VWA3B: variants seen among roughly 807,000 people sequenced by gnomAD.
VWA3B encodes the protein von Willebrand factor A domain-containing protein 3B.
In VWA3B, 138 loss-of-function variants were observed where a neutral mutation model predicts 158.3. The ratio of observed to expected loss-of-function variants is 0.87; its 90% CI spans 0.76 to 1.00. VWA3B has a LOEUF of 1.00. VWA3B is among the 50% of genes least tolerant of loss of function. The pLI is 0.00. For missense variants in VWA3B, 1,555 were observed against 1,565.1 expected (o/e 0.99, Z 0.11); for synonymous variants, 596 against 587.3 (o/e 1.01, Z -0.21).
intron 2 of VWA3B, among the ~76,000 whole-genome samples, chr2:98,107,146 AT>A (rs551305945): frequency 1.1e-3 from 161 of 151,952 alleles, no homozygotes; most frequent in Non-Finnish European, 1.8e-3. Context: ...GGATTATATT[AT>A]TTTTTTTAAT....
chr2:98,087,881 A>T (rs571380398), intron 1 of VWA3B, among the ~76,000 whole-genome samples: 1 of 152,320 alleles, frequency 6.6e-6, no homozygotes, highest in East Asian at 1.9e-4. Flanking sequence ...CATTTGGTAG[A>T]GCTTTTCCTT....
intron 19 of VWA3B, among the ~76,000 whole-genome samples, chr2:98,244,041 A>G (rs1686239154): frequency 6.6e-6 from 1 of 152,200 alleles, no homozygotes; most frequent in Admixed American, 6.5e-5. Flanking sequence ...ATGTTTTGTG[A>G]TTGCTTTTAA....
chr2:98,212,060 T>C (rs748285150), intron 13 of VWA3B, 32 bp downstream of exon 13: 2 of 1,588,756 alleles, frequency 1.3e-6, no homozygotes, highest in Non-Finnish European at 1.7e-6. Context: ...AAAGAGGGCC[T>C]CACTGATGCT....
intron 19 of VWA3B, among the ~76,000 whole-genome samples, chr2:98,250,023 A>C (rs537583119): frequency 6.6e-6 from 1 of 152,156 alleles, no homozygotes; most frequent in East Asian, 1.9e-4. Flanking sequence ...CGCAATTCTA[A>C]TTAAGGTTTT....
Position 98,111,325 on chromosome 2 carries a change from G to C in VWA3B, c.197-4327G>C, listed in dbSNP as rs537350386. Among the ~76,000 whole-genome samples the C allele has an allele frequency of 2.6e-5, 4 of 152,266 alleles. No individual in the cohort carries two copies. In the South Asian group the frequency reaches 8.3e-4, roughly 32 times the overall value. Reference sequence around the variant, plus strand: ...TTCCATAGTCTATACACACCATGTGGTCTATATATATAAACCACATTTTAA... The same window carrying C: ...TTCCATAGTCTATACACACCATGTGCTCTATATATATAAACCACATTTTAA... On this transcript the variant is annotated intron_variant, in intron 2 of 27. Transcript: ENST00000477737.
At chr2:98,165,683 T>G (rs1175161240) in intron 8 of VWA3B, among the ~76,000 whole-genome samples, 1 of 152,054 alleles carries the variant, frequency 6.6e-6, no homozygotes, top group Admixed American at 6.6e-5. Context: ...TGACTGTGGC[T>G]TTTTCCTGTG....
intron 21 of VWA3B, among the ~76,000 whole-genome samples, chr2:98,264,015 T>TGTC (rs1687641450): frequency 6.6e-6 from 1 of 152,042 alleles, no homozygotes; most frequent in Admixed American, 6.6e-5. Context: ...TTATGCAATT[T>TGTC]GTCGGTGTAA....
intron 2 of VWA3B, among the ~76,000 whole-genome samples, chr2:98,096,888 T>A (rs894505048): frequency 6.6e-6 from 1 of 152,260 alleles, no homozygotes; most frequent in East Asian, 1.9e-4. Flanking sequence ...GATATTTTTA[T>A]GTATTTGTAT....
At chr2:98,154,225 C>T (rs1677872912) in intron 7 of VWA3B, among the ~76,000 whole-genome samples, 1 of 152,170 alleles carries the variant, frequency 6.6e-6, no homozygotes, top group Admixed American at 6.5e-5. Flanking sequence ...TTAAACATCT[C>T]CTGTGTGCTT....
intron 19 of VWA3B, among the ~76,000 whole-genome samples, chr2:98,247,209 G>T (rs575378957): frequency 2.6e-5 from 4 of 151,916 alleles, no homozygotes; most frequent in African/African-American, 9.7e-5. Flanking sequence ...TGTTGGCCAG[G>T]CTGGTCTTGA....
Position 98,138,272 on chromosome 2 carries a change from C to T in VWA3B, c.988+4333C>T, listed in dbSNP as rs552831395. On this transcript the variant is annotated intron_variant, in intron 7 of 27. Transcript: ENST00000477737. ...GAAGCCTTCCGTGGCCAGTGTCTCC[C>T]GTCTGCCCTTTTAGGCTGCTTGTTG... Among the ~76,000 whole-genome samples, 8 of 152,310 alleles carry T rather than the reference C, an allele frequency of 5.3e-5. No homozygotes were observed. The South Asian group carries it at 6.2e-4, about 12-fold the overall frequency.
chr2:98,163,728 A>C (rs1275507381), intron 8 of VWA3B, among the ~76,000 whole-genome samples: 2 of 152,144 alleles, frequency 1.3e-5, no homozygotes, highest in Non-Finnish European at 2.9e-5. Context: ...TGTTAAGGGC[A>C]GGGGGGCTTC....
intron 13 of VWA3B, among the ~76,000 whole-genome samples, chr2:98,216,466 G>A (rs1683996227): frequency 6.6e-6 from 1 of 152,240 alleles, no homozygotes; most frequent in Non-Finnish European, 1.5e-5. Context: ...GGTATGTGAG[G>A]GCAGGAGGTT....
At position 98,311,342 on chromosome 2, in the gene VWA3B, T is replaced by C. The variant is rs76414365; in HGVS notation, c.3522-477T>C. Among the ~76,000 whole-genome samples the C allele has an allele frequency of 7.1e-3, 1,088 of 152,342 alleles. 10 individuals are homozygous for C. The highest frequency in any genetic ancestry group is 0.025 in the African/African-American group (1,037 of 41,584). On this transcript the variant is annotated intron_variant, in intron 26 of 27. Coordinates refer to ENST00000477737, the MANE Select transcript of VWA3B (RefSeq NM_144992.5). ...ATAGTCATTCCTAAGTTCAATGTCA[T>C]TACAAATCATACCATTTTGGACATT... is the stretch of plus-strand genomic sequence containing the variant.
intron 22 of VWA3B, among the ~76,000 whole-genome samples, chr2:98,275,348 A>T (rs1203314676): frequency 6.6e-6 from 1 of 152,188 alleles, no homozygotes; most frequent in Non-Finnish European, 1.5e-5. Flanking sequence ...ATAAACAGCC[A>T]CATGTCTGGA....
At position 98,297,870 on chromosome 2, in the gene VWA3B, T is replaced by G. The variant is rs1297079308; in HGVS notation, c.3158-37T>G. ...CAAGCCTAAGGGAAGGGATGTTATT[T>G]GTCTTTATATTTTATGTTTTCTTTG... On this transcript the variant is annotated intron_variant, in intron 23 of 27. Coordinates refer to ENST00000477737, the MANE Select transcript of VWA3B (RefSeq NM_144992.5). 3.4e-6 allele frequency: 5 copies of G among 1,456,354 alleles called. No individual in the cohort carries two copies. The Admixed American group carries it at 7.2e-5, about 21-fold the overall frequency. 90.2% of individuals were successfully genotyped at this position (1,456,354 alleles called of 1,614,324 possible).
intron 22 of VWA3B, among the ~76,000 whole-genome samples, chr2:98,282,582 G>T (rs567158835): frequency 3.3e-5 from 5 of 151,658 alleles, no homozygotes; most frequent in African/African-American, 7.3e-5. Flanking sequence ...GATTACAGGC[G>T]CACGGCACCA....
intron 19 of VWA3B, among the ~76,000 whole-genome samples, chr2:98,242,049 G>C (rs1425921580): frequency 6.6e-6 from 1 of 152,150 alleles, no homozygotes; most frequent in Non-Finnish European, 1.5e-5. Context: ...CAGACAAAAA[G>C]TAGAATGGAG....
chr2:98,263,405 A>G (rs191469267), intron 21 of VWA3B, among the ~76,000 whole-genome samples: 1 of 151,908 alleles, frequency 6.6e-6, no homozygotes. Flanking sequence ...CCTTATGTTG[A>G]TATAGTTTCT....
Sources: allele counts gnomAD v4.1 joint callset (sites outside exome capture counted in the v4.1 genomes callset), GRCh38; gene constraint gnomAD v4.1.1; transcripts MANE v1.5; gene names NCBI Gene and HGNC (gene_info 2026-07-23, HGNC 2026-07-21).